The following SLC12A5 variants were observed in gnomAD, a reference collection of about 807,000 sequenced individuals.
The protein encoded by SLC12A5 is solute carrier family 12 member 5.
In SLC12A5, 18 loss-of-function variants were observed where a neutral mutation model predicts 124.0. The observed-to-expected ratio is 0.15, with a 90% confidence interval of 0.10 to 0.22. SLC12A5 has a LOEUF of 0.22. Ranked by LOEUF, SLC12A5 falls within the 10% of genes least tolerant of loss-of-function variation. The pLI, the probability that SLC12A5 is intolerant of heterozygous loss-of-function variation, is 1.00. For missense variants in SLC12A5, 867 were observed against 1,478.7 expected, an observed-to-expected ratio of 0.59 and a Z score of 6.78; for synonymous variants, 589 against 568.0, an observed-to-expected ratio of 1.04 and a Z score of -0.53.
chr20:46,058,946 G>C lies in SLC12A5; in HGVS notation c.*1341G>C. On this transcript the variant is annotated 3_prime_UTR_variant, in exon 26 of 26. Coordinates refer to ENST00000243964, the MANE Select transcript of SLC12A5 (RefSeq NM_020708.5). The surrounding 1 kb of genome is among the most constrained non-coding windows in gnomAD (Gnocchi z 5.8). ...GGGACCTGGGCCTGAGGGAGGGCTG[G>C]AGTCGCACGCGCTTTGTCCTTAGCG... The C allele has an allele frequency of 2.6e-6, 1 of 391,124 alleles. No homozygotes were observed. The allele number at this position is 391,124 out of a possible 1,614,324, so 24.2% of individuals were successfully genotyped here.
At chr20:46,041,102 A>C (rs543402620) in intron 7 of SLC12A5, 60 of 489,894 alleles carry the variant, frequency 1.2e-4, no homozygotes, top group African/African-American at 1.1e-3. Flanking sequence ...GAAACACAGC[A>C]TTGCACTAAT....
intron 15 of SLC12A5, 47 bp downstream of exon 15, chr20:46,047,620 G>A (rs200930575): frequency 1.3e-6 from 2 of 1,597,786 alleles, no homozygotes; most frequent in Non-Finnish European, 1.7e-6. Context: ...AGGCTGAAGG[G>A]TGGTGGGAAG....
chr20:46,035,597 G>A (rs2084491037), intron 3 of SLC12A5, 62 bp downstream of exon 3: 1 of 1,526,670 alleles, frequency 6.6e-7, no homozygotes, highest in Non-Finnish European at 8.9e-7. Flanking sequence ...GGGGAGGATG[G>A]GGGAGGAAAA....
At position 46,049,808 on chromosome 20, in the gene SLC12A5, T is replaced by C. The variant is rs764842773; in HGVS notation, c.2181+18T>C. 6.4e-6 allele frequency: 10 copies of C among 1,567,652 alleles called. No individual in the cohort carries two copies. Among genetic ancestry groups the C allele is most frequent in the Non-Finnish European group, 8.7e-6 (10 of 1,155,408 alleles). ...CAGAAGAGGTGAGCAGAGGCCCTGG[T>C]TGGGCTTGGGAAAAGGTCAGGACAC... is the stretch of plus-strand genomic sequence containing the variant. On this transcript the variant is annotated intron_variant, in intron 17 of 25. Coordinates refer to ENST00000243964, the MANE Select transcript of SLC12A5 (RefSeq NM_020708.5).
At chr20:46,032,066 A>C (rs2084456716) in intron 1 of SLC12A5, among the ~76,000 whole-genome samples, 1 of 152,152 alleles carries the variant, frequency 6.6e-6, no homozygotes, top group African/African-American at 2.4e-5. Flanking sequence ...GAACTAGCCT[A>C]CCTAGCCGCC....
chr20:46,040,817 A>G (rs1178053592), intron 7 of SLC12A5: 2 of 741,572 alleles, frequency 2.7e-6, no homozygotes, highest in African/African-American at 1.8e-5. Context: ...GGAGGGAACA[A>G]TTTACCTTGT....
intron 6 of SLC12A5, among the ~76,000 whole-genome samples, chr20:46,038,541 G>C (rs1188458290): frequency 6.6e-6 from 1 of 152,168 alleles, no homozygotes; most frequent in Non-Finnish European, 1.5e-5. Context: ...TTTAAGGAAC[G>C]AATGGAAGGA....
Position 46,053,192 on chromosome 20 carries a change from A to G in SLC12A5, c.2547+66A>G. 2 of 1,533,782 alleles carry G rather than the reference A, an allele frequency of 1.3e-6. No homozygotes were observed. Among genetic ancestry groups the G allele is most frequent in the South Asian group, 1.2e-5 (1 of 83,184 alleles). ...TATGCATGTATGCATTTGTGTGCAT[A>G]TGTGCACAACTGCAGGTCAGACTCA... On this transcript the variant is annotated intron_variant, in intron 19 of 25. Transcript: ENST00000243964. The surrounding 1 kb of genome is among the most constrained non-coding windows in gnomAD (Gnocchi z 4.7).
chr20:46,044,024 C>T, intron 11 of SLC12A5, 91 bp downstream of exon 11: 4 of 1,330,438 alleles, frequency 3.0e-6, no homozygotes, highest in Middle Eastern at 5.4e-4. Context: ...GGTGCTGGGA[C>T]CTGTGTGAGG....
chr20:46,026,764 GC>G (rs1182939824), upstream of SLC12A5, among the ~76,000 whole-genome samples: 2 of 152,186 alleles, frequency 1.3e-5, no homozygotes, highest in Non-Finnish European at 2.9e-5. Context: ...GAATTTGGGG[GC>G]AGAGGATATG....
chr20:46,056,438 G>A lies in SLC12A5; in HGVS notation c.2984G>A (p.Gly995Glu). The change falls in exon 23 of 26, where the codon GGG becomes GAG. Residue 995 changes from glycine (G) to glutamate (E), a missense_variant. This residue lies in a region of SLC12A5 where 180 missense variants were observed against 243.6 expected (regional missense o/e 0.74). Transcript: ENST00000243964. The surrounding 1 kb of genome is among the most constrained non-coding windows in gnomAD (Gnocchi z 4.3). Reference protein sequence around the residue: ...SSPSPGEEPEGEGETDPEKVH... With the variant: ...SSPSPGEEPEEEGETDPEKVH... ...CCGTCCCCAGGGGAGGAGCCTGAGG[G>A]GGAAGGGGAGACAGATCCGGAGAAG... is the stretch of plus-strand genomic sequence containing the variant. The A allele has an allele frequency of 1.2e-6, 2 of 1,614,098 alleles. No individual in the cohort carries two copies. The highest frequency in any genetic ancestry group is 8.5e-7 in the Non-Finnish European group (1 of 1,179,968).
At chr20:46,039,860 C>T (rs1387522336) in intron 6 of SLC12A5, among the ~76,000 whole-genome samples, 1 of 151,900 alleles carries the variant, frequency 6.6e-6, no homozygotes, top group Non-Finnish European at 1.5e-5. Flanking sequence ...TTTAATAGCT[C>T]CATAGTCTGT....
At position 46,053,017 on chromosome 20, in the gene SLC12A5, T is replaced by C. The variant is rs765710293; in HGVS notation, c.2438T>C (p.Met813Thr). ...CTGCTGGTCACCAAGAACGTTTCCA[T>C]GTTTCCTGGGAACCCTGAGCGCTTC... The part of the protein sequence containing the change: ...LALLVTKNVS[M>T]FPGNPERFSE... Residue 813 changes from methionine to threonine, a missense_variant, in exon 19 of 26, where the codon ATG (methionine) becomes ACG (threonine). Coordinates refer to ENST00000243964, the MANE Select transcript of SLC12A5 (RefSeq NM_020708.5). This position sits in a 1 kb window ranked among gnomAD's most constrained non-coding sequence, Gnocchi z 4.7. The C allele has an allele frequency of 6.2e-6, 10 of 1,614,004 alleles. No individual in the cohort carries two copies. The highest frequency in any genetic ancestry group is 7.6e-6 in the Non-Finnish European group (9 of 1,179,996).
chr20:46,050,859 G>T (rs751762447), intron 17 of SLC12A5, among the ~76,000 whole-genome samples: 30 of 152,232 alleles, frequency 2.0e-4, no homozygotes, highest in Non-Finnish European at 3.8e-4. Context: ...GTCGTACAAT[G>T]TGTTGAGTGT....
At chr20:46,029,591 C>T (rs566143577) in intron 1 of SLC12A5, among the ~76,000 whole-genome samples, 195 bp downstream of exon 1, 11 of 152,134 alleles carry the variant, frequency 7.2e-5, no homozygotes, top group Non-Finnish European at 1.6e-4. Context: ...GAATGCGCCG[C>T]GCCCGGGGGC....
intron 8 of SLC12A5, 122 bp from the exon 9 acceptor site, chr20:46,043,031 G>A (rs1227266886): frequency 5.3e-6 from 5 of 950,398 alleles, no homozygotes; most frequent in African/African-American, 1.6e-5. Context: ...ATAGAGATAA[G>A]GCCGGGGAGA....
chr20:46,031,882 A>C (rs1398954533), intron 1 of SLC12A5, among the ~76,000 whole-genome samples: 1 of 152,120 alleles, frequency 6.6e-6, no homozygotes, highest in Non-Finnish European at 1.5e-5. Flanking sequence ...GGCTCCGGGG[A>C]ATCAGGGCGA....
chr20:46,053,470 T>A lies in SLC12A5; in HGVS notation c.2548-108T>A. The A allele has an allele frequency of 2.8e-6, 4 of 1,451,312 alleles. No individual in the cohort carries two copies. Among genetic ancestry groups the A allele is most frequent in the African/African-American group, 1.4e-5 (1 of 72,002 alleles). 89.9% of individuals were successfully genotyped at this position (1,451,312 alleles called of 1,614,324 possible). A position where few individuals can be genotyped will look rare whatever the true frequency, so the allele number is the denominator to read the frequency against. Reference sequence around the variant, plus strand: ...AGAGGATTTGGGGTCTGCATGTATGTGTGAGGAGTGGGTGGGAAGAGGGGA... The same window carrying A: ...AGAGGATTTGGGGTCTGCATGTATGAGTGAGGAGTGGGTGGGAAGAGGGGA... On this transcript the variant is annotated intron_variant, in intron 19 of 25. Transcript: ENST00000243964. The surrounding 1 kb of genome is among the most constrained non-coding windows in gnomAD (Gnocchi z 4.7).
chr20:46,022,079 G>T (rs1236272971), intron 1 of SLC12A5: 9 of 693,814 alleles, frequency 1.3e-5, no homozygotes, highest in Non-Finnish European at 1.9e-5. Flanking sequence ...AGTGTGGAGG[G>T]GGAGGGGCCA....
Sources: allele counts gnomAD v4.1 joint callset (sites outside exome capture counted in the v4.1 genomes callset), GRCh38; gene constraint gnomAD v4.1.1; regional missense constraint gnomAD v4.1.1; non-coding constraint Gnocchi (gnomAD v3.1); transcripts MANE v1.5; gene names NCBI Gene and HGNC (gene_info 2026-07-23, HGNC 2026-07-21).